Variants in SLC25A26 observed in about 807,000 individuals in gnomAD.
SLC25A26 encodes solute carrier family 25 member 26.
Under a neutral mutation model 37.8 loss-of-function variants are expected in SLC25A26, and 36 were observed. That is an observed-to-expected ratio of 0.95 (90% CI 0.73 to 1.26). The LOEUF (loss-of-function observed/expected upper bound fraction) is 1.26. Ranked by LOEUF, SLC25A26 falls within the 50% of genes most tolerant of loss-of-function variation. The pLI is 0.00. For missense variants in SLC25A26, 390 were observed against 331.1 expected, an observed-to-expected ratio of 1.18 and a Z score of -1.38; for synonymous variants, 129 against 122.5, an observed-to-expected ratio of 1.05 and a Z score of -0.35.
At chr3:66,148,607 G>A (rs1328724272) in intron 1 of SLC25A26, among the ~76,000 whole-genome samples, 1 of 152,260 alleles carries the variant, frequency 6.6e-6, no homozygotes, top group African/African-American at 2.4e-5. Flanking sequence ...TGGAGAATAA[G>A]CTGTGCTGAC....
chr3:66,329,749 A>G (rs905590317), intron 5 of SLC25A26, among the ~76,000 whole-genome samples: 3 of 152,090 alleles, frequency 2.0e-5, no homozygotes, highest in Non-Finnish European at 2.9e-5. Flanking sequence ...TTGTTTATTT[A>G]TGAGCTAGAG....
chr3:66,168,601 T>C (rs1043117701), intron 1 of SLC25A26, among the ~76,000 whole-genome samples: 1 of 152,210 alleles, frequency 6.6e-6, no homozygotes, highest in Admixed American at 6.5e-5. Flanking sequence ...CATGAGACTT[T>C]GTCTTTCTTC....
At chr3:66,179,708 TG>T in intron 1 of SLC25A26, among the ~76,000 whole-genome samples, 1 of 152,194 alleles carries the variant, frequency 6.6e-6, no homozygotes, top group Non-Finnish European at 1.5e-5. Context: ...AAGAACTTCT[TG>T]TTACTGGGCT....
intron 6 of SLC25A26, among the ~76,000 whole-genome samples, chr3:66,360,293 A>C (rs1296511701): frequency 4.6e-5 from 7 of 152,214 alleles, no homozygotes; most frequent in African/African-American, 1.7e-4. Context: ...ATACTTTTCT[A>C]ACCATTTAAA....
At position 66,370,340 on chromosome 3, in the gene SLC25A26, C is replaced by T. The variant is rs868736265; in HGVS notation, c.634-189C>T. Among the ~76,000 whole-genome samples the T allele has an allele frequency of 2.4e-4, 36 of 152,346 alleles. No homozygotes were observed. The Middle Eastern group carries it at 0.01, about 43-fold the overall frequency. On this transcript the variant is annotated intron_variant, in intron 8 of 9. Coordinates refer to ENST00000354883, the MANE Select transcript of SLC25A26 (RefSeq NM_001379210.1). The stretch of plus-strand genomic sequence containing the variant: ...GTGGCATGGGCCACATCCCTGCTTG[C>T]CTGCATATCGGAGTGTAAGCACTTC...
rs140448894 is a variant in SLC25A26 at position 66,325,204 on chromosome 3, G to T, written c.454-21160G>T. On this transcript the variant is annotated intron_variant, in intron 5 of 9. Transcript: ENST00000354883. ...ATGGGAGACGTAAGGCATATATTCA[G>T]TGAAAAATAAAAGATAGCCAGAATA... 8.5e-3 allele frequency among the ~76,000 whole-genome samples: 1,287 copies of T among 152,198 alleles called. 12 individuals carry two copies. The highest frequency in any genetic ancestry group is 9.9e-3 in the Non-Finnish European group (674 of 67,992).
At chr3:66,140,013 T>G in intron 1 of SLC25A26, among the ~76,000 whole-genome samples, 1 of 152,182 alleles carries the variant, frequency 6.6e-6, no homozygotes, top group African/African-American at 2.4e-5. Flanking sequence ...GAAAGGTAAT[T>G]AACTTACTAA....
At chr3:66,375,714 A>G (rs774167081) in intron 9 of SLC25A26, among the ~76,000 whole-genome samples, 1 of 152,100 alleles carries the variant, frequency 6.6e-6, no homozygotes, top group Non-Finnish European at 1.5e-5. Context: ...CTTTTAAAAT[A>G]TTTCCGCTCA....
At chr3:66,306,455 T>C (rs1323097329) in intron 5 of SLC25A26, among the ~76,000 whole-genome samples, 3 of 152,182 alleles carry the variant, frequency 2.0e-5, no homozygotes, top group Non-Finnish European at 2.9e-5. Context: ...CACTTTTTAA[T>C]AGGGTTGTTT....
intron 3 of SLC25A26, among the ~76,000 whole-genome samples, chr3:66,253,717 C>T (rs1005196991): frequency 8.5e-5 from 13 of 152,150 alleles, no homozygotes; most frequent in Non-Finnish European, 1.8e-4. Context: ...TTTTAAGCCA[C>T]TAAATGTGTG....
chr3:66,293,809 T>G lies in SLC25A26; in HGVS notation c.453+30430T>G, dbSNP rs552428934. On this transcript the variant is annotated intron_variant, in intron 5 of 9. Transcript: ENST00000354883. ...TTTTATTACGGGCATTTAGGTTGATTCCATGTCTTTGCTGTTGTGAATAGT... is the reference window on the plus strand; with the variant it reads ...TTTTATTACGGGCATTTAGGTTGATGCCATGTCTTTGCTGTTGTGAATAGT... Among the ~76,000 whole-genome samples, 4 of 152,320 alleles carry G rather than the reference T, an allele frequency of 2.6e-5. No individual in the cohort carries two copies. The East Asian group carries it at 5.8e-4, about 22-fold the overall frequency.
intron 5 of SLC25A26, among the ~76,000 whole-genome samples, chr3:66,268,597 G>C (rs953335105): frequency 2.0e-5 from 3 of 152,216 alleles, no homozygotes; most frequent in African/African-American, 7.2e-5. Context: ...TGTAATGCCT[G>C]TCACACAGTA....
At chr3:66,164,316 G>C (rs1489828721) in intron 1 of SLC25A26, among the ~76,000 whole-genome samples, 1 of 152,144 alleles carries the variant, frequency 6.6e-6, no homozygotes, top group African/African-American at 2.4e-5. Flanking sequence ...AGATATCTGG[G>C]TGAGCTTCCC....
At chr3:66,343,553 A>G (rs1039201167) in intron 5 of SLC25A26, among the ~76,000 whole-genome samples, 7 of 152,226 alleles carry the variant, frequency 4.6e-5, no homozygotes, top group Non-Finnish European at 8.8e-5. Flanking sequence ...AGCTCAATGA[A>G]TAACTTTCAT....
At chr3:66,367,188 T>C (rs1258000204) in intron 7 of SLC25A26, among the ~76,000 whole-genome samples, 2 of 152,206 alleles carry the variant, frequency 1.3e-5, no homozygotes, top group Non-Finnish European at 2.9e-5. Context: ...TGATTACTGC[T>C]GTGAGCCAGA....
At chr3:66,248,818 G>T (rs1252839472) in intron 3 of SLC25A26, among the ~76,000 whole-genome samples, 2 of 152,194 alleles carry the variant, frequency 1.3e-5, no homozygotes, top group Non-Finnish European at 2.9e-5. Flanking sequence ...GGCCCGATGA[G>T]CATCTCCCCA....
intron 5 of SLC25A26, among the ~76,000 whole-genome samples, chr3:66,274,738 A>C (rs1364232709): frequency 6.6e-6 from 1 of 152,188 alleles, no homozygotes; most frequent in Admixed American, 6.5e-5. Flanking sequence ...GATCATTAAA[A>C]AGTCAGGAAA....
intron 1 of SLC25A26, among the ~76,000 whole-genome samples, chr3:66,225,692 T>A (rs1045104073): frequency 1.3e-5 from 2 of 152,174 alleles, no homozygotes; most frequent in African/African-American, 4.8e-5. Flanking sequence ...GGCTGCAAAT[T>A]TTCCAAACTT....
chr3:66,212,138 T>G (rs2071292124), intron 1 of SLC25A26, among the ~76,000 whole-genome samples: 1 of 152,178 alleles, frequency 6.6e-6, no homozygotes, highest in African/African-American at 2.4e-5. Context: ...TTTTGGAGAC[T>G]GGGTGTCCTG....
Sources: gnomAD v4.1 joint callset for allele counts (sites outside exome capture counted in the v4.1 genomes callset) on GRCh38, gnomAD v4.1.1 for gene constraint, MANE v1.5 for transcripts, NCBI Gene and HGNC (gene_info 2026-07-23, HGNC 2026-07-21) for gene names.